The following TLL1 variants were observed in gnomAD, a reference collection of about 807,000 sequenced individuals.
TLL1 encodes tolloid-like protein 1.
A neutral mutation model predicts 128.2 loss-of-function variants in TLL1; 49 were observed. The ratio of observed to expected loss-of-function variants is 0.38; its 90% CI spans 0.30 to 0.48. The LOEUF (loss-of-function observed/expected upper bound fraction) is 0.48, where lower values mean the gene tolerates loss of function less well. TLL1 is among the 20% of genes least tolerant of loss of function. The probability of loss-of-function intolerance (pLI) is 0.96; values close to 1 mark genes in which losing one functional copy is unlikely to be tolerated. For synonymous variants in TLL1, 454 were observed against 418.8 expected (o/e 1.08, Z -1.03); for missense variants, 1,123 against 1,242.0 (o/e 0.90, Z 1.44).
At chr4:166,082,524 C>A (rs1741329618) in intron 18 of TLL1, among the ~76,000 whole-genome samples, 2 of 152,006 alleles carry the variant, frequency 1.3e-5, no homozygotes, top group African/African-American at 4.8e-5. Context: ...ATTTAGTGAA[C>A]AATACTTTAT....
intron 1 of TLL1, among the ~76,000 whole-genome samples, chr4:165,980,297 T>C (rs1443707434): frequency 1.3e-5 from 2 of 152,106 alleles, no homozygotes; most frequent in Non-Finnish European, 2.9e-5. Context: ...CCAAGTGTAA[T>C]GGATTCAGGA....
intron 16 of TLL1, among the ~76,000 whole-genome samples, chr4:166,069,081 A>G (rs1442743506): frequency 6.6e-6 from 1 of 151,776 alleles, no homozygotes; most frequent in Non-Finnish European, 1.5e-5. Context: ...TCATGTTTCC[A>G]CCTATTACTG....
intron 15 of TLL1, 83 bp downstream of exon 15, chr4:166,060,271 T>G (rs527484194): frequency 1.5e-6 from 2 of 1,293,930 alleles, no homozygotes; most frequent in Admixed American, 1.8e-5. Context: ...AAAAAAAAGA[T>G]GTAGTAAAAT....
intron 1 of TLL1, among the ~76,000 whole-genome samples, chr4:165,935,647 T>C (rs1733731184): frequency 6.6e-6 from 1 of 152,194 alleles, no homozygotes; most frequent in African/African-American, 2.4e-5. Context: ...GTAACTGCAA[T>C]CTTGATTTTT....
intron 8 of TLL1, among the ~76,000 whole-genome samples, chr4:166,024,350 C>T (rs1435961524): frequency 6.6e-6 from 1 of 152,160 alleles, no homozygotes; most frequent in Non-Finnish European, 1.5e-5. Flanking sequence ...GAGAGTTCAC[C>T]TGCTGGTAGC....
chr4:166,064,431 T>A (rs911396960), intron 15 of TLL1, among the ~76,000 whole-genome samples: 1 of 152,130 alleles, frequency 6.6e-6, no homozygotes, highest in Admixed American at 6.6e-5. Flanking sequence ...TGAGGTATTG[T>A]GTTCTGAAAG....
Position 166,060,043 on chromosome 4 carries a change from T to C in TLL1, c.1862T>C (p.Leu621Pro). ...TTTCTTCTAGCTGCTTGTGGTGGAC[T>C]TCTTACCAAACTTAACGGCACCATA... is the stretch of plus-strand genomic sequence containing the variant. ...RRSCEAACGG[L>P]LTKLNGTITT... The change falls in exon 15 of 21, where the codon CTT becomes CCT. Residue 621 changes from leucine to proline, a missense_variant. Coordinates refer to ENST00000061240, the MANE Select transcript of TLL1 (RefSeq NM_012464.5). 6.2e-7 allele frequency: 1 copy of C among 1,613,696 alleles called. No individual in the cohort carries two copies. Among genetic ancestry groups the C allele is most frequent in the Non-Finnish European group, 8.5e-7 (1 of 1,179,820 alleles).
At chr4:165,956,947 C>T (rs1468459863) in intron 1 of TLL1, among the ~76,000 whole-genome samples, 5 of 152,058 alleles carry the variant, frequency 3.3e-5, no homozygotes, top group African/African-American at 1.2e-4. Context: ...AGCAGCTTCA[C>T]AATTGCATCT....
At position 166,100,952 on chromosome 4, in the gene TLL1, T is replaced by C. The variant is rs1742260395; in HGVS notation, c.*76T>C. 5 of 1,547,764 alleles carry C rather than the reference T, an allele frequency of 3.2e-6. No individual in the cohort carries two copies. The highest frequency in any genetic ancestry group is 1.8e-5 in the Admixed American group (1 of 54,672). On this transcript the variant is annotated 3_prime_UTR_variant, in exon 21 of 21. Coordinates refer to ENST00000061240, the MANE Select transcript of TLL1 (RefSeq NM_012464.5). ...CATATTTTTTTTAAAACTGAAGATA[T>C]TGGCACAAATGTTTTATACAAAGAG...
chr4:165,967,874 AATAG>A (rs1735462936), intron 1 of TLL1, among the ~76,000 whole-genome samples: 1 of 152,228 alleles, frequency 6.6e-6, no homozygotes, highest in Non-Finnish European at 1.5e-5. Context: ...ATTTTAAGGC[AATAG>A]ATAGACTTTA....
chr4:165,990,767 G>A (rs887390951), intron 2 of TLL1, among the ~76,000 whole-genome samples: 13 of 151,960 alleles, frequency 8.6e-5, no homozygotes, highest in African/African-American at 3.1e-4. Flanking sequence ...ATTTAAAGTA[G>A]GGAGTATGTA....
At chr4:166,092,667 G>A (rs1741826539) in intron 19 of TLL1, among the ~76,000 whole-genome samples, 1 of 152,080 alleles carries the variant, frequency 6.6e-6, no homozygotes, top group Non-Finnish European at 1.5e-5. Context: ...CAAGAAGGTA[G>A]TGTGAAAATA....
chr4:166,076,454 G>A (rs1741032517), intron 17 of TLL1, among the ~76,000 whole-genome samples: 1 of 152,138 alleles, frequency 6.6e-6, no homozygotes, highest in South Asian at 2.1e-4. Flanking sequence ...TATACATGTA[G>A]CCTGTGGATC....
intron 1 of TLL1, among the ~76,000 whole-genome samples, chr4:165,931,547 C>T (rs934180078): frequency 2.0e-5 from 3 of 151,620 alleles, no homozygotes; most frequent in African/African-American, 4.9e-5. Flanking sequence ...GAAACCCCGT[C>T]TCTACTAAAA....
chr4:165,911,064 A>G (rs1038042208), intron 1 of TLL1, among the ~76,000 whole-genome samples: 9 of 152,128 alleles, frequency 5.9e-5, no homozygotes, highest in African/African-American at 2.2e-4. Context: ...ATTTCTAGCT[A>G]TTTTGAGATA....
chr4:165,952,829 C>A lies in TLL1; in HGVS notation c.170-36552C>A, dbSNP rs780493014. Among the ~76,000 whole-genome samples, 311 of 152,116 alleles carry A rather than the reference C, an allele frequency of 2.0e-3. 1 individual carries two copies. Among genetic ancestry groups the A allele is most frequent in the Non-Finnish European group, 1.8e-3 (124 of 67,988 alleles). Reference sequence around the variant, plus strand: ...ATAAAAAAATTTAAAGAAAAAATGTCATTTTTCCTTCAAATTATAATGGAC... The same window carrying A: ...ATAAAAAAATTTAAAGAAAAAATGTAATTTTTCCTTCAAATTATAATGGAC... On this transcript the variant is annotated intron_variant, in intron 1 of 20. Coordinates refer to ENST00000061240, the MANE Select transcript of TLL1 (RefSeq NM_012464.5).
chr4:165,881,613 G>T (rs908383835), intron 1 of TLL1, among the ~76,000 whole-genome samples: 3 of 152,134 alleles, frequency 2.0e-5, no homozygotes, highest in Admixed American at 2.0e-4. Context: ...ATCACATGGA[G>T]TTTAGTGCAG....
chr4:165,931,765 C>T (rs575372321), intron 1 of TLL1, among the ~76,000 whole-genome samples: 6 of 151,116 alleles, frequency 4.0e-5, no homozygotes, highest in South Asian at 4.2e-4. Context: ...AGATACTGCA[C>T]GGGGTAGTTC....
In TLL1 at chr4:166,055,137, A is replaced by G. The variant is rs373699573; in HGVS notation, c.1586A>G (p.Asn529Ser). 2.4e-5 allele frequency: 38 copies of G among 1,613,458 alleles called. No homozygotes were observed. In the African/African-American group the frequency reaches 4.7e-4, roughly 20 times the overall value. The change falls in exon 13 of 21, where the codon AAT becomes AGT. Residue 529 changes from asparagine (N) to serine (S), a missense_variant. By Grantham distance (46) the Asn-to-Ser change is conservative (BLOSUM62 1). This residue lies in a region of TLL1 where 634 missense variants were observed against 672.4 expected (regional missense o/e 0.94). Coordinates refer to ENST00000061240, the MANE Select transcript of TLL1 (RefSeq NM_012464.5). ...YLEVRDGTSE[N>S]SPLIGRFCGY... is the part of the protein sequence containing the mutation. ...GAAGTTAGAGATGGAACCAGTGAAA[A>G]TAGCCCTTTGATAGGGCGTTTCTGT...
Sources: gnomAD v4.1 joint callset for allele counts (sites outside exome capture counted in the v4.1 genomes callset) on GRCh38, gnomAD v4.1.1 for gene constraint, gnomAD v4.1.1 regional missense constraint, MANE v1.5 for transcripts, NCBI Gene and HGNC (gene_info 2026-07-23, HGNC 2026-07-21) for gene names.